Variants in REEP1 observed in about 807,000 individuals in gnomAD.
The protein encoded by REEP1 is receptor expression-enhancing protein 1.
In REEP1, 22 loss-of-function variants were observed where a neutral mutation model predicts 40.3. The observed-to-expected ratio is 0.55, with a 90% CI of 0.39 to 0.78. REEP1 has a LOEUF of 0.78. Ranked by LOEUF, REEP1 falls within the 30% of genes least tolerant of loss-of-function variation. The pLI is 0.00. For missense variants in REEP1, 280 were observed against 361.1 expected (o/e 0.78, Z 1.82); for synonymous variants, 116 against 139.2 (o/e 0.83, Z 1.17).
intron 7 of REEP1, among the ~76,000 whole-genome samples, chr2:86,221,969 G>A (rs1674456541): frequency 6.6e-6 from 1 of 152,158 alleles, no homozygotes; most frequent in Admixed American, 6.5e-5. Context: ...TGGAAGTGGG[G>A]TGGGTACCGG....
Position 86,306,172 on chromosome 2 carries a change from C to T in REEP1, c.33-23930G>A, listed in dbSNP as rs1679471259. ...TTTCCAGATTCCGGGGCTTGACTTT[C>T]CAACATCTTGCAATCCAGCCCATAC... On this transcript the variant is annotated intron_variant, in intron 1 of 8. Transcript: ENST00000538924. 3.3e-5 allele frequency among the ~76,000 whole-genome samples: 5 copies of T among 152,060 alleles called. No homozygotes were observed. In the South Asian group the frequency reaches 1.0e-3, roughly 32 times the overall value.
Position 86,282,245 on chromosome 2 carries a change from G to A in REEP1, c.33-3C>T, listed in dbSNP as rs760632647. 3.8e-6 allele frequency: 6 copies of A among 1,596,730 alleles called. No homozygotes were observed. The highest frequency in any genetic ancestry group is 5.2e-6 in the Non-Finnish European group (6 of 1,164,392). ...GGTAAAGGGTGCCAAATATAAGCCT[G>A]GAGGGAAGAGAGACAAAAATAAATA... On this transcript the variant is annotated splice_polypyrimidine_tract_variant and splice_region_variant and intron_variant, in intron 1 of 8. Transcript: ENST00000538924.
intron 2 of REEP1, among the ~76,000 whole-genome samples, chr2:86,270,125 A>T (rs1462393407): frequency 6.6e-6 from 1 of 152,256 alleles, no homozygotes; most frequent in Non-Finnish European, 1.5e-5. Flanking sequence ...CCACATAACA[A>T]GATACTTATC....
At chr2:86,253,983 C>T (rs2367230) in intron 4 of REEP1, among the ~76,000 whole-genome samples, 5,431 of 152,238 alleles carry the variant, frequency 0.036, 291 homozygotes, top group African/African-American at 0.12. Flanking sequence ...AGCAACTAAA[C>T]TCCAGGAATG....
rs577330239 is a variant in REEP1 at position 86,255,395 on chromosome 2, A to G, written c.183-581T>C. 7.5e-4 allele frequency among the ~76,000 whole-genome samples: 115 copies of G among 152,360 alleles called. 1 individual carries two copies. The highest frequency in any genetic ancestry group is 1.4e-3 in the Non-Finnish European group (93 of 68,032). The stretch of plus-strand genomic sequence containing the variant: ...GAATGCTACTCACCCTACTCAAGTC[A>G]ATGGCAGGCAAACAGATTTTGATCT... On this transcript the variant is annotated intron_variant, in intron 3 of 8. Coordinates refer to ENST00000538924, the MANE Select transcript of REEP1 (RefSeq NM_001371279.1).
In REEP1 at chr2:86,282,538, T is replaced by C. The variant is rs768078466; in HGVS notation, c.33-296A>G. 6.4e-4 allele frequency among the ~76,000 whole-genome samples: 98 copies of C among 151,964 alleles called. 1 individual carries two copies. The highest frequency in any genetic ancestry group is 7.6e-4 in the Non-Finnish European group (52 of 68,004). ...GGGGATGTGAAGGCACCAAGACCCC[T>C]GAAATTAAAGGCTGCCTTTCCTCTC... is the stretch of plus-strand genomic sequence containing the variant. On this transcript the variant is annotated intron_variant, in intron 1 of 8. Transcript: ENST00000538924.
chr2:86,220,198 CA>C, intron 7 of REEP1, 77 bp from the exon 8 acceptor site: 1 of 1,020,466 alleles, frequency 9.8e-7, no homozygotes, highest in Non-Finnish European at 1.3e-6. Flanking sequence ...CAGGGAAGGG[CA>C]AGGTTAGGCA....
intron 2 of REEP1, among the ~76,000 whole-genome samples, chr2:86,279,333 C>T (rs971386415): frequency 4.6e-5 from 7 of 152,160 alleles, no homozygotes; most frequent in African/African-American, 1.7e-4. Flanking sequence ...GAAGTTTGTG[C>T]TTGATCTTGC....
chr2:86,337,405 T>G lies in REEP1; in HGVS notation c.32+74A>C. 1 of 1,044,604 alleles carries G rather than the reference T, an allele frequency of 9.6e-7. No homozygotes were observed. Among genetic ancestry groups the G allele is most frequent in the Non-Finnish European group, 1.2e-6 (1 of 827,204 alleles). 64.7% of individuals were successfully genotyped at this position (1,044,604 alleles called of 1,614,324 possible). On this transcript the variant is annotated intron_variant, in intron 1 of 8. Coordinates refer to ENST00000538924, the MANE Select transcript of REEP1 (RefSeq NM_001371279.1). This position sits in a 1 kb window ranked among gnomAD's most constrained non-coding sequence, Gnocchi z 5.8. ...CCCGAGCCACTGGGACCGGGCGCTG[T>G]AGGGGCGCGCGCAGCCCGGGGCCGG...
At chr2:86,309,103 T>G (rs961651217) in intron 1 of REEP1, among the ~76,000 whole-genome samples, 1 of 152,212 alleles carries the variant, frequency 6.6e-6, no homozygotes, top group Non-Finnish European at 1.5e-5. Context: ...TCTGTCACCT[T>G]TGGCCTAGTT....
rs113747042 is a variant in REEP1, at chr2:86,221,571, C to G, written c.632-1450G>C. 9.7e-3 allele frequency among the ~76,000 whole-genome samples: 1,479 copies of G among 152,182 alleles called. 30 individuals are homozygous for G. Among genetic ancestry groups the G allele is most frequent in the African/African-American group, 0.034 (1,395 of 41,514 alleles). On this transcript the variant is annotated intron_variant, in intron 7 of 8. Coordinates refer to ENST00000538924, the MANE Select transcript of REEP1 (RefSeq NM_001371279.1). ...CTCCCTGGCCTCCCCACTCTGAGACCCGACAGTGCTTGGAGGCTGTGCCAC... is the reference window on the plus strand; with the variant it reads ...CTCCCTGGCCTCCCCACTCTGAGACGCGACAGTGCTTGGAGGCTGTGCCAC...
At chr2:86,241,346 T>C (rs1368830569) in intron 5 of REEP1, among the ~76,000 whole-genome samples, 1 of 152,236 alleles carries the variant, frequency 6.6e-6, no homozygotes, top group African/African-American at 2.4e-5. Context: ...GCCCACGCTA[T>C]CGCACGTGAT....
intron 8 of REEP1, among the ~76,000 whole-genome samples, 181 bp from the exon 9 acceptor site, chr2:86,217,291 A>T (rs1001299534): frequency 3.0e-4 from 46 of 152,170 alleles, no homozygotes; most frequent in African/African-American, 1.1e-3. Flanking sequence ...CATCCCACAT[A>T]TCGCATGAAG....
intron 1 of REEP1, among the ~76,000 whole-genome samples, chr2:86,332,497 G>A (rs905796341): frequency 2.9e-5 from 4 of 137,018 alleles, no homozygotes; most frequent in Admixed American, 7.1e-5. Flanking sequence ...ACACTCATAC[G>A]TACACAAAAC....
chr2:86,245,207 A>T (rs150641261), intron 5 of REEP1, among the ~76,000 whole-genome samples: 1,702 of 152,252 alleles, frequency 0.011, 35 homozygotes, highest in African/African-American at 0.039. Flanking sequence ...TACTGTTGGG[A>T]AAAGGGCTTG....
intron 8 of REEP1, among the ~76,000 whole-genome samples, chr2:86,219,451 C>CTTTTT (rs11350191): frequency 4.6e-5 from 6 of 129,960 alleles, no homozygotes; most frequent in African/African-American, 8.4e-5. Context: ...TTTTTCTTTT[C>CTTTTT]TTTTTTTTTT....
chr2:86,224,610 G>T (rs1346483979), intron 7 of REEP1, among the ~76,000 whole-genome samples: 1 of 152,198 alleles, frequency 6.6e-6, no homozygotes, highest in Non-Finnish European at 1.5e-5. Context: ...GAAAGGAAGG[G>T]CTAGGACAAC....
intron 5 of REEP1, among the ~76,000 whole-genome samples, chr2:86,234,418 T>A (rs555457328): frequency 6.6e-6 from 1 of 152,186 alleles, no homozygotes; most frequent in South Asian, 2.1e-4. Context: ...CTCGGGACAC[T>A]GAGGTGGGAG....
chr2:86,317,841 G>A (rs781350935), intron 1 of REEP1, among the ~76,000 whole-genome samples: 4 of 152,170 alleles, frequency 2.6e-5, no homozygotes, highest in Non-Finnish European at 4.4e-5. Context: ...AAAAGCACTT[G>A]TGTCACTGAG....
Sources: allele counts gnomAD v4.1 joint callset (sites outside exome capture counted in the v4.1 genomes callset), GRCh38; gene constraint gnomAD v4.1.1; non-coding constraint Gnocchi (gnomAD v3.1); transcripts MANE v1.5; gene names NCBI Gene and HGNC (gene_info 2026-07-23, HGNC 2026-07-21).